Variants in B3GLCT observed in about 807,000 individuals in gnomAD.
B3GLCT encodes the protein beta 3-glucosyltransferase, also known as beta-1,3-glucosyltransferase.
A neutral mutation model predicts 63.4 loss-of-function variants in B3GLCT; 65 were observed. The observed-to-expected ratio is 1.03, with a 90% CI of 0.84 to 1.26. The LOEUF (loss-of-function observed/expected upper bound fraction) is 1.26. Among genes scored for constraint, B3GLCT ranks in the 50% most tolerant of loss-of-function variants. The probability of loss-of-function intolerance (pLI) is 0.00; values close to 1 mark genes in which losing one functional copy is unlikely to be tolerated. For synonymous variants in B3GLCT, 233 were observed against 219.2 expected (o/e 1.06, Z -0.55); for missense variants, 577 against 604.8 (o/e 0.95, Z 0.48).
In B3GLCT at chr13:31,252,624, G is replaced by A. The variant is rs561277662; in HGVS notation, c.459+4658G>A. ...GAAAGATCAAAAGAGACAAAGAAGG[G>A]CATTGCATAATGGTAAAGGGATCAA... On this transcript the variant is annotated intron_variant, in intron 6 of 14. Transcript: ENST00000343307. Among the ~76,000 whole-genome samples, 77 of 152,220 alleles carry A rather than the reference G, an allele frequency of 5.1e-4. 2 individuals are homozygous for A. In the South Asian group the frequency reaches 8.3e-3, roughly 16 times the overall value.
intron 6 of B3GLCT, among the ~76,000 whole-genome samples, chr13:31,250,954 T>C (rs1016960843): frequency 3.3e-5 from 5 of 152,100 alleles, no homozygotes; most frequent in African/African-American, 1.2e-4. Context: ...AGACACCTCA[T>C]ACAGGAGAGC....
intron 7 of B3GLCT, among the ~76,000 whole-genome samples, chr13:31,262,875 A>G (rs188065992): frequency 3.9e-5 from 6 of 152,248 alleles, no homozygotes; most frequent in East Asian, 1.9e-4. Flanking sequence ...TGACTTCTCC[A>G]TGGGAGAAGT....
intron 2 of B3GLCT, among the ~76,000 whole-genome samples, chr13:31,222,739 A>G (rs780306619): frequency 3.3e-5 from 5 of 152,214 alleles, no homozygotes; most frequent in South Asian, 2.1e-4. Context: ...CACAGCCCCA[A>G]CTAAGAAGTC....
chr13:31,255,880 A>G (rs1871713420), intron 6 of B3GLCT, among the ~76,000 whole-genome samples: 2 of 152,240 alleles, frequency 1.3e-5, no homozygotes, highest in Non-Finnish European at 1.5e-5. Flanking sequence ...GGACATAGGC[A>G]TGGGCAAAGA....
At chr13:31,238,682 C>T (rs1870778326) in intron 4 of B3GLCT, among the ~76,000 whole-genome samples, 1 of 152,202 alleles carries the variant, frequency 6.6e-6, no homozygotes, top group African/African-American at 2.4e-5. Context: ...CCAGGCGCAC[C>T]TGTAGTCCCA....
chr13:31,233,753 A>G (rs1236039704), intron 4 of B3GLCT, among the ~76,000 whole-genome samples: 1 of 152,186 alleles, frequency 6.6e-6, no homozygotes, highest in African/African-American at 2.4e-5. Flanking sequence ...AAGGGGTTCT[A>G]ATCTTTAGAA....
In B3GLCT at chr13:31,229,302, G is replaced by C. The variant is rs1157579446; in HGVS notation, c.270+8G>C. 1.3e-6 allele frequency: 2 copies of C among 1,520,468 alleles called. No homozygotes were observed. The allele number at this position is 1,520,468 out of a possible 1,614,324, so 94.2% of individuals were successfully genotyped here. A position where few individuals can be genotyped will look rare whatever the true frequency, so the allele number is the denominator to read the frequency against. On this transcript the variant is annotated splice_region_variant and intron_variant, in intron 4 of 14. Transcript: ENST00000343307. Reference sequence around the variant, plus strand: ...GCTGCAGATCTTACACAGGTACGTAGCGATGGCTGGGGGGTCTGCCAGTTA... The same window carrying C: ...GCTGCAGATCTTACACAGGTACGTACCGATGGCTGGGGGGTCTGCCAGTTA...
In B3GLCT at chr13:31,279,811, C is replaced by T. The variant is rs9543430; in HGVS notation, c.850+3040C>T. Among the ~76,000 whole-genome samples, 620 of 152,106 alleles carry T rather than the reference C, an allele frequency of 4.1e-3. 5 individuals are homozygous for T. Among genetic ancestry groups the T allele is most frequent in the African/African-American group, 0.014 (579 of 41,496 alleles). On this transcript the variant is annotated intron_variant, in intron 10 of 14. Transcript: ENST00000343307. ...GACTGGGGCTTATTTCATCCCTTATCAACGACCATAAAAGACAGACATTTC... is the reference window on the plus strand; with the variant it reads ...GACTGGGGCTTATTTCATCCCTTATTAACGACCATAAAAGACAGACATTTC...
rs555641596 is a variant in B3GLCT at position 31,226,617 on chromosome 13, T to A, written c.161-2568T>A. ...CTTTTTTTTTATTTTTATTTTTTTT[T>A]AGAGATGTAGTCTTGCTGTGTTGCT... On this transcript the variant is annotated intron_variant, in intron 3 of 14. Coordinates refer to ENST00000343307, the MANE Select transcript of B3GLCT (RefSeq NM_194318.4). Among the ~76,000 whole-genome samples the A allele has an allele frequency of 3.9e-5, 6 of 152,210 alleles. No individual in the cohort carries two copies. The South Asian group carries it at 1.2e-3, about 32-fold the overall frequency.
At chr13:31,246,886 C>T in intron 4 of B3GLCT, 137 bp from the exon 5 acceptor site, 1 of 678,518 alleles carries the variant, frequency 1.5e-6, no homozygotes, top group Non-Finnish European at 2.5e-6. Flanking sequence ...CATGTCAGGT[C>T]TCTAGAAACA....
rs575636596 is a variant in B3GLCT at position 31,214,918 on chromosome 13, C to A, written c.71-133C>A. 7 of 797,988 alleles carry A rather than the reference C, an allele frequency of 8.8e-6. No homozygotes were observed. The East Asian group carries it at 1.6e-4, about 18-fold the overall frequency. The allele number at this position is 797,988 out of a possible 1,614,324, so 49.4% of individuals were successfully genotyped here. ...CCAGTAATACAAGTTTGCAGCAATG[C>A]AGCTGCTTAAAAATGAGCAAAATAT... On this transcript the variant is annotated intron_variant, in intron 1 of 14. Transcript: ENST00000343307.
chr13:31,295,250 G>A lies in B3GLCT; in HGVS notation c.1064+8431G>A, dbSNP rs558920993. On this transcript the variant is annotated intron_variant, in intron 12 of 14. Coordinates refer to ENST00000343307, the MANE Select transcript of B3GLCT (RefSeq NM_194318.4). Reference sequence around the variant, plus strand: ...AGCTCTGCTGTATGAGGAGTCTGTCGGCCCCTCCTGGGAGGTGTCTCCCAG... The same window carrying A: ...AGCTCTGCTGTATGAGGAGTCTGTCAGCCCCTCCTGGGAGGTGTCTCCCAG... Among the ~76,000 whole-genome samples the A allele has an allele frequency of 8.5e-5, 13 of 152,222 alleles. No individual in the cohort carries two copies. The South Asian group carries it at 2.5e-3, about 29-fold the overall frequency.
chr13:31,228,554 T>C (rs1166947134), intron 3 of B3GLCT, among the ~76,000 whole-genome samples: 1 of 152,238 alleles, frequency 6.6e-6, no homozygotes, highest in Non-Finnish European at 1.5e-5. Context: ...TGTCTTTGGC[T>C]TGTAGATGGC....
intron 13 of B3GLCT, 130 bp from the exon 14 acceptor site, chr13:31,323,621 C>G: frequency 9.7e-7 from 1 of 1,029,564 alleles, no homozygotes; most frequent in Non-Finnish European, 1.5e-6. Context: ...ACCTAGAGCT[C>G]AGTAACTAGA....
chr13:31,211,066 TTTTGATTTA>T (rs1308914204), intron 1 of B3GLCT, among the ~76,000 whole-genome samples: 2 of 152,194 alleles, frequency 1.3e-5, no homozygotes, highest in African/African-American at 2.4e-5. Context: ...TGATGATTTC[TTTTGATTTA>T]TTTAGATTAC....
intron 8 of B3GLCT, among the ~76,000 whole-genome samples, chr13:31,271,912 GTCTTTA>G (rs1190295037): frequency 6.6e-6 from 1 of 152,096 alleles, no homozygotes; most frequent in South Asian, 2.1e-4. Context: ...TAGTGAATTT[GTCTTTA>G]TCTTTAGTAA....
intron 1 of B3GLCT, among the ~76,000 whole-genome samples, chr13:31,208,476 ATCC>A (rs1041010580): frequency 1.3e-5 from 2 of 151,974 alleles, no homozygotes; most frequent in African/African-American, 4.8e-5. Context: ...GCACTTGCGT[ATCC>A]TCAGGACGCT....
intron 12 of B3GLCT, among the ~76,000 whole-genome samples, chr13:31,310,954 T>C (rs1874673371): frequency 6.6e-6 from 1 of 152,172 alleles, no homozygotes; most frequent in South Asian, 2.1e-4. Flanking sequence ...GAGCTAAGCA[T>C]TGCCTGCCAG....
chr13:31,213,407 T>G (rs192074341), intron 1 of B3GLCT, among the ~76,000 whole-genome samples: 4,003 of 152,146 alleles, frequency 0.026, 82 homozygotes, highest in Non-Finnish European at 0.036. Flanking sequence ...CTGAGTAACA[T>G]GTTGAAACCT....
Sources: allele counts gnomAD v4.1 joint callset (sites outside exome capture counted in the v4.1 genomes callset), GRCh38; gene constraint gnomAD v4.1.1; transcripts MANE v1.5; gene names NCBI Gene and HGNC (gene_info 2026-07-23, HGNC 2026-07-21).